MYOZ2: variants seen among roughly 807,000 people sequenced by gnomAD.
The protein encoded by MYOZ2 is myozenin 2.
MYOZ2 carries 19 observed loss-of-function variants against 25.4 expected under a neutral mutation model. The observed-to-expected ratio is 0.75, with a 90% CI of 0.52 to 1.10. The LOEUF (loss-of-function observed/expected upper bound fraction) is 1.10, where lower values mean the gene tolerates loss of function less well. MYOZ2 is among the 50% of genes least tolerant of loss of function. MYOZ2 has a pLI of 0.00. For synonymous variants in MYOZ2, 92 were observed against 106.9 expected (o/e 0.86, Z 0.86); for missense variants, 270 against 317.9 (o/e 0.85, Z 1.15).
At chr4:119,178,451 T>C (rs140072524) in intron 5 of MYOZ2, among the ~76,000 whole-genome samples, 109 of 152,340 alleles carry the variant, frequency 7.2e-4, no homozygotes, top group African/African-American at 2.5e-3. Context: ...AAACTTGATC[T>C]CTAGCTCCAA....
At position 119,168,540 on chromosome 4, in the gene MYOZ2, A is replaced by G. The variant is rs180875664; in HGVS notation, c.560+4146A>G. Among the ~76,000 whole-genome samples, 35 of 152,286 alleles carry G rather than the reference A, an allele frequency of 2.3e-4. No homozygotes were observed. The East Asian group carries it at 6.6e-3, about 29-fold the overall frequency. Reference sequence around the variant, plus strand: ...CAGGACTTTGGAAAAAGTTCATTCCAACTCTCATGGTTAACTTTAAGGGGT... The same window carrying G: ...CAGGACTTTGGAAAAAGTTCATTCCGACTCTCATGGTTAACTTTAAGGGGT... On this transcript the variant is annotated intron_variant, in intron 5 of 5. Transcript: ENST00000307128.
At chr4:119,171,174 T>C (rs1355201973) in intron 5 of MYOZ2, among the ~76,000 whole-genome samples, 2 of 152,048 alleles carry the variant, frequency 1.3e-5, no homozygotes, top group African/African-American at 4.8e-5. Context: ...AAGGGGTAAG[T>C]ATAGGAAAAG....
intron 5 of MYOZ2, among the ~76,000 whole-genome samples, chr4:119,167,237 G>GTGTT (rs1741843010): frequency 5.9e-5 from 9 of 152,200 alleles, no homozygotes; most frequent in Admixed American, 5.9e-4. Flanking sequence ...TAGTAAAACA[G>GTGTT]CCTTAGTGCT....
At chr4:119,152,596 C>T (rs993396604) in intron 3 of MYOZ2, among the ~76,000 whole-genome samples, 13 of 152,038 alleles carry the variant, frequency 8.6e-5, no homozygotes, top group African/African-American at 2.9e-4. Context: ...TAATTTTATA[C>T]ACCTGTGTTC....
intron 5 of MYOZ2, among the ~76,000 whole-genome samples, chr4:119,178,256 C>A (rs146079932): frequency 6.6e-6 from 1 of 152,316 alleles, no homozygotes; most frequent in African/African-American, 2.4e-5. Context: ...ATGTTAGGAA[C>A]CAACTTCTCT....
intron 5 of MYOZ2, among the ~76,000 whole-genome samples, chr4:119,172,491 A>G (rs146721695): frequency 0.029 from 4,464 of 152,276 alleles, 232 homozygotes; most frequent in African/African-American, 0.1. Context: ...ACAAGATCAG[A>G]TGAACCAGTT....
intron 2 of MYOZ2, among the ~76,000 whole-genome samples, chr4:119,137,289 G>A (rs1208214971): frequency 6.6e-6 from 1 of 152,012 alleles, no homozygotes; most frequent in Admixed American, 6.6e-5. Context: ...ACTTGAGAAA[G>A]CAATGCTTTA....
intron 5 of MYOZ2, among the ~76,000 whole-genome samples, chr4:119,167,881 G>T (rs1315503998): frequency 6.6e-6 from 1 of 152,206 alleles, no homozygotes. Flanking sequence ...CTATTGCTCA[G>T]AAAAGAATAT....
intron 5 of MYOZ2, among the ~76,000 whole-genome samples, chr4:119,174,660 C>A (rs1042228532): frequency 1.3e-5 from 2 of 152,234 alleles, no homozygotes; most frequent in African/African-American, 2.4e-5. Flanking sequence ...TCAAAATAGA[C>A]CACCGGGCTC....
chr4:119,181,050 C>T (rs1742177645), intron 5 of MYOZ2, among the ~76,000 whole-genome samples: 1 of 152,138 alleles, frequency 6.6e-6, no homozygotes, highest in African/African-American at 2.4e-5. Context: ...ATTACCTGGT[C>T]ACAGTCTTTT....
In MYOZ2 at chr4:119,137,486, TCAC is replaced by T. The variant is rs540336124; in HGVS notation, c.76+889_76+891del. On this transcript the variant is annotated intron_variant, in intron 2 of 5. Coordinates refer to ENST00000307128, the MANE Select transcript of MYOZ2 (RefSeq NM_016599.5). ...CTGTATTGACAAGGAATGCAGCCTT[TCAC>T]CACTACAATATTGAGACCTAGAAGC... Among the ~76,000 whole-genome samples, 30 of 152,236 alleles carry T rather than the reference TCAC, an allele frequency of 2.0e-4. No individual in the cohort carries two copies. In the East Asian group the frequency reaches 3.9e-3, roughly 20 times the overall value.
intron 5 of MYOZ2, among the ~76,000 whole-genome samples, chr4:119,166,124 G>A (rs182318832): frequency 1.3e-5 from 2 of 152,042 alleles, no homozygotes; most frequent in Admixed American, 6.6e-5. Context: ...CTACATCAAC[G>A]TAGAAATAAA....
At chr4:119,181,296 TC>T (rs959085902) in intron 5 of MYOZ2, among the ~76,000 whole-genome samples, 1 of 152,208 alleles carries the variant, frequency 6.6e-6, no homozygotes, top group African/African-American at 2.4e-5. Flanking sequence ...TCTTCTTCCT[TC>T]AACTCAGGAG....
intron 5 of MYOZ2, 125 bp downstream of exon 5, chr4:119,164,519 A>G: frequency 2.3e-6 from 2 of 865,086 alleles, no homozygotes; most frequent in Non-Finnish European, 3.7e-6. Flanking sequence ...CTAAATAGCA[A>G]TATAGGATAT....
chr4:119,142,087 A>G (rs958223220), intron 2 of MYOZ2, among the ~76,000 whole-genome samples: 2 of 152,206 alleles, frequency 1.3e-5, no homozygotes, highest in Non-Finnish European at 2.9e-5. Context: ...GTATGCTATT[A>G]TATATTTAAC....
intron 5 of MYOZ2, among the ~76,000 whole-genome samples, chr4:119,185,152 T>G (rs2149230533): frequency 6.6e-6 from 1 of 150,470 alleles, no homozygotes; most frequent in African/African-American, 2.4e-5. Context: ...TTTCCTTTCG[T>G]TTCCTTTCCC....
intron 5 of MYOZ2, among the ~76,000 whole-genome samples, chr4:119,175,549 C>T (rs534942266): frequency 3.9e-5 from 6 of 152,066 alleles, no homozygotes; most frequent in African/African-American, 9.6e-5. Context: ...GTTAGGAGTT[C>T]GAGACCACCC....
intron 2 of MYOZ2, among the ~76,000 whole-genome samples, chr4:119,137,084 CTTAT>C (rs994780500): frequency 7.9e-5 from 12 of 152,026 alleles, no homozygotes; most frequent in Admixed American, 1.3e-4. Context: ...ATTTCTATTG[CTTAT>C]TTATTTAACC....
At chr4:119,180,976 A>T (rs1232437273) in intron 5 of MYOZ2, among the ~76,000 whole-genome samples, 2 of 152,238 alleles carry the variant, frequency 1.3e-5, no homozygotes, top group Non-Finnish European at 2.9e-5. Context: ...TTAGGAAGGG[A>T]ACACCAATAT....
Sources: allele counts gnomAD v4.1 joint callset (sites outside exome capture counted in the v4.1 genomes callset), GRCh38; gene constraint gnomAD v4.1.1; transcripts MANE v1.5; gene names NCBI Gene and HGNC (gene_info 2026-07-23, HGNC 2026-07-21).